The following HPD variants were observed in gnomAD, a reference collection of about 807,000 sequenced individuals.
HPD encodes 4-hydroxyphenylpyruvic acid oxidase.
Under a neutral mutation model 56.9 loss-of-function variants are expected in HPD, and 35 were observed. The observed-to-expected ratio is 0.62, with a 90% CI of 0.47 to 0.82. The LOEUF (loss-of-function observed/expected upper bound fraction) is 0.82. HPD is among the 40% of genes least tolerant of loss of function. HPD has a pLI of 0.00. For synonymous variants in HPD, 186 were observed against 200.2 expected (o/e 0.93, Z 0.60); for missense variants, 442 against 506.8 (o/e 0.87, Z 1.23).
intron 6 of HPD, among the ~76,000 whole-genome samples, chr12:121,855,918 C>T (rs770092344): frequency 3.1e-5 from 4 of 129,980 alleles, no homozygotes; most frequent in Non-Finnish European, 6.1e-5. Flanking sequence ...TGCGGTGAGC[C>T]GAGATCGTGC....
intron 12 of HPD, among the ~76,000 whole-genome samples, chr12:121,842,610 G>A (rs1009877448): frequency 1.3e-5 from 2 of 150,516 alleles, no homozygotes; most frequent in Non-Finnish European, 3.0e-5. Context: ...TTTTCTTTTT[G>A]TAGAGATGGG....
chr12:121,867,414 T>A (rs1878354862), upstream of HPD, among the ~76,000 whole-genome samples: 1 of 151,972 alleles, frequency 6.6e-6, no homozygotes, highest in Admixed American at 6.6e-5. Flanking sequence ...CTTTACTTTC[T>A]TGTTTTTCTT....
At chr12:121,884,559 G>A in the HPD span, among the ~76,000 whole-genome samples, 1 of 151,584 alleles carries the variant, frequency 6.6e-6, no homozygotes, top group Non-Finnish European at 1.5e-5. Flanking sequence ...CTCCTGCCTT[G>A]ATCTCCCAGA....
chr12:121,882,620 C>A, the HPD span, among the ~76,000 whole-genome samples: 1 of 152,190 alleles, frequency 6.6e-6, no homozygotes, highest in Non-Finnish European at 1.5e-5. Context: ...ATGGGACAGA[C>A]AGGTAAACAT....
At chr12:121,885,113 A>T in the HPD span, among the ~76,000 whole-genome samples, 1 of 151,004 alleles carries the variant, frequency 6.6e-6, no homozygotes. Flanking sequence ...CTAATCTCAA[A>T]CTCCTGACCT....
the HPD span, among the ~76,000 whole-genome samples, chr12:121,886,786 T>C: frequency 5.3e-5 from 8 of 152,360 alleles, no homozygotes; most frequent in Admixed American, 5.2e-4. Flanking sequence ...TATTTAGATT[T>C]CACCAGTTGG....
the HPD span, among the ~76,000 whole-genome samples, chr12:121,878,506 G>A: frequency 2.0e-5 from 3 of 151,710 alleles, no homozygotes; most frequent in South Asian, 2.1e-4. Context: ...ACGCCACCAC[G>A]CCCGGCTAAT....
chr12:121,873,035 A>C, the HPD span, among the ~76,000 whole-genome samples: 10 of 152,272 alleles, frequency 6.6e-5, 1 homozygote, highest in African/African-American at 2.4e-4. Context: ...ATCTGTGAGC[A>C]TGTATTCACT....
chr12:121,879,989 A>T, the HPD span, among the ~76,000 whole-genome samples: 5 of 152,022 alleles, frequency 3.3e-5, no homozygotes, highest in East Asian at 7.8e-4. Flanking sequence ...CTCTACAAAA[A>T]TTTAAAAATT....
At chr12:121,857,644 G>A in intron 3 of HPD, 113 bp downstream of exon 3, 1 of 981,352 alleles carries the variant, frequency 1.0e-6, no homozygotes, top group Non-Finnish European at 1.6e-6. Flanking sequence ...GCCCACCCCT[G>A]GCCTGATCCT....
upstream of HPD, among the ~76,000 whole-genome samples, chr12:121,859,654 G>C (rs955750632): frequency 2.6e-5 from 4 of 152,220 alleles, no homozygotes; most frequent in African/African-American, 9.6e-5. Flanking sequence ...TGTCTCCCAG[G>C]TCATGGAACT....
chr12:121,881,934 C>A, the HPD span, among the ~76,000 whole-genome samples: 1 of 148,282 alleles, frequency 6.7e-6, no homozygotes, highest in Non-Finnish European at 1.5e-5. Flanking sequence ...GCGTGAGCCA[C>A]CGCGCCCAAC....
chr12:121,842,416 C>G (rs1311775854), intron 12 of HPD, among the ~76,000 whole-genome samples: 1 of 152,026 alleles, frequency 6.6e-6, no homozygotes, highest in African/African-American at 2.4e-5. Context: ...TAGGTGTGAG[C>G]CACTGTGTCT....
chr12:121,860,661 G>A (rs1878150088), upstream of HPD, among the ~76,000 whole-genome samples: 1 of 152,230 alleles, frequency 6.6e-6, no homozygotes, highest in Non-Finnish European at 1.5e-5. Context: ...CCATGCAGAG[G>A]TGGGTTCCAG....
chr12:121,873,838 G>T, the HPD span, among the ~76,000 whole-genome samples: 1 of 151,486 alleles, frequency 6.6e-6, no homozygotes, highest in Non-Finnish European at 1.5e-5. Context: ...TCATTTTATG[G>T]CCAGGCATGG....
intron 8 of HPD, among the ~76,000 whole-genome samples, chr12:121,849,399 C>A (rs757368750): frequency 6.6e-6 from 1 of 151,980 alleles, no homozygotes. Context: ...ATTACAGTCC[C>A]CATTTTACAG....
upstream of HPD, among the ~76,000 whole-genome samples, chr12:121,862,719 T>G (rs1878214002): frequency 7.1e-6 from 1 of 140,900 alleles, no homozygotes; most frequent in African/African-American, 2.6e-5. Context: ...TTTTTTTTTT[T>G]TTTTAGGCTG....
chr12:121,859,114 T>C (rs1878109677), upstream of HPD: 1 of 508,122 alleles, frequency 2.0e-6, no homozygotes, highest in Non-Finnish European at 3.6e-6. Flanking sequence ...ACGCTGGGAA[T>C]GTGACCATTA....
the HPD span, among the ~76,000 whole-genome samples, chr12:121,876,270 C>T: frequency 6.6e-6 from 1 of 152,136 alleles, no homozygotes; most frequent in African/African-American, 2.4e-5. Flanking sequence ...AAGATTGTGC[C>T]ACTGCACTTG....
Sources: gnomAD v4.1 joint callset for allele counts (sites outside exome capture counted in the v4.1 genomes callset) on GRCh38, gnomAD v4.1.1 for gene constraint, MANE v1.5 for transcripts, NCBI Gene and HGNC (gene_info 2026-07-23, HGNC 2026-07-21) for gene names.